The following NEK11 variants were observed in gnomAD, a reference collection of about 807,000 sequenced individuals.
The protein encoded by NEK11 is serine/threonine-protein kinase Nek11.
NEK11 carries 72 observed loss-of-function variants against 80.7 expected under a neutral mutation model. The ratio of observed to expected loss-of-function variants is 0.89; its 90% confidence interval spans 0.74 to 1.08. The LOEUF (loss-of-function observed/expected upper bound fraction) is 1.08, where lower values mean the gene tolerates loss of function less well. NEK11 is among the 50% of genes least tolerant of loss of function. The pLI is 0.00. For missense variants in NEK11, 764 were observed against 763.6 expected (o/e 1.00, Z -0.01); for synonymous variants, 251 against 260.7 (o/e 0.96, Z 0.36).
At chr3:131,145,897 A>G (rs932776378) in intron 7 of NEK11, among the ~76,000 whole-genome samples, 1 of 152,156 alleles carries the variant, frequency 6.6e-6, no homozygotes, top group Non-Finnish European at 1.5e-5. Context: ...TGAAAGGAAC[A>G]TAGAAGAGGG....
intron 16 of NEK11, among the ~76,000 whole-genome samples, chr3:131,270,637 C>T (rs1453714241): frequency 3.9e-5 from 6 of 152,142 alleles, no homozygotes; most frequent in African/African-American, 7.2e-5. Flanking sequence ...CAATAAGAAA[C>T]ACTGAAAAAG....
At chr3:131,247,250 C>T (rs572816988) in intron 16 of NEK11, among the ~76,000 whole-genome samples, 9 of 152,044 alleles carry the variant, frequency 5.9e-5, no homozygotes, top group East Asian at 5.8e-4. Context: ...TTTATGGTTT[C>T]GGTCTTACAT....
intron 4 of NEK11, among the ~76,000 whole-genome samples, chr3:131,101,931 A>G (rs140403042): frequency 6.6e-6 from 1 of 152,304 alleles, no homozygotes; most frequent in African/African-American, 2.4e-5. Flanking sequence ...TGTTTGGTAT[A>G]GTTAAGCCTT....
chr3:131,234,009 C>T (rs1389236788), intron 15 of NEK11, among the ~76,000 whole-genome samples: 1 of 152,186 alleles, frequency 6.6e-6, no homozygotes, highest in African/African-American at 2.4e-5. Flanking sequence ...TACAGTCTTT[C>T]CTCTGCACAA....
At chr3:131,286,804 G>A (rs915521119) in intron 17 of NEK11, among the ~76,000 whole-genome samples, 2 of 152,116 alleles carry the variant, frequency 1.3e-5, no homozygotes, top group African/African-American at 4.8e-5. Context: ...ATGGTATGAA[G>A]ATATTGACAA....
chr3:131,031,416 A>G (rs115481506), intron 3 of NEK11, among the ~76,000 whole-genome samples: 1 of 152,372 alleles, frequency 6.6e-6, no homozygotes, highest in African/African-American at 2.4e-5. Context: ...CATTGAGAGT[A>G]AGACCTAAAC....
chr3:131,085,242 T>C lies in NEK11; in HGVS notation c.336+4654T>C, dbSNP rs527586859. ...ATTGCCTTGGCAGTTTTAGCTCTCA[T>C]TGTGTATGAATACGTTGGCAATCTG... is the stretch of plus-strand genomic sequence containing the variant. On this transcript the variant is annotated intron_variant, in intron 4 of 17. Coordinates refer to ENST00000383366, the MANE Select transcript of NEK11 (RefSeq NM_024800.5). Among the ~76,000 whole-genome samples, 8 of 152,356 alleles carry C rather than the reference T, an allele frequency of 5.3e-5. No individual in the cohort carries two copies. The South Asian group carries it at 1.5e-3, about 28-fold the overall frequency.
chr3:131,286,344 A>G (rs2096470276), intron 17 of NEK11, among the ~76,000 whole-genome samples: 1 of 152,168 alleles, frequency 6.6e-6, no homozygotes, highest in Admixed American at 6.5e-5. Flanking sequence ...CAGTGTTCCT[A>G]GTAGCTCCTG....
chr3:131,315,980 A>G (rs2096835267), intron 17 of NEK11, among the ~76,000 whole-genome samples: 1 of 151,994 alleles, frequency 6.6e-6, no homozygotes, highest in Admixed American at 6.6e-5. Flanking sequence ...TTATTTTTTT[A>G]GTTATCAGTA....
At chr3:131,029,114 G>A (rs542139730) in intron 2 of NEK11, among the ~76,000 whole-genome samples, 3 of 152,154 alleles carry the variant, frequency 2.0e-5, no homozygotes, top group African/African-American at 7.2e-5. Flanking sequence ...CAAAAACTGT[G>A]GTTTAACATC....
At chr3:131,096,538 A>G (rs1191399871) in intron 4 of NEK11, among the ~76,000 whole-genome samples, 3 of 152,010 alleles carry the variant, frequency 2.0e-5, no homozygotes, top group Admixed American at 1.3e-4. Context: ...CTTTGGGTAT[A>G]TTCACAGTAA....
At chr3:131,082,364 A>G (rs907350099) in intron 4 of NEK11, among the ~76,000 whole-genome samples, 6 of 152,196 alleles carry the variant, frequency 3.9e-5, no homozygotes, top group African/African-American at 1.2e-4. Context: ...GCTTATAACT[A>G]TTACTGCTAC....
At chr3:131,140,970 C>A (rs1288869878) in intron 7 of NEK11, among the ~76,000 whole-genome samples, 1 of 152,170 alleles carries the variant, frequency 6.6e-6, no homozygotes, top group Non-Finnish European at 1.5e-5. Flanking sequence ...CATACCAGCT[C>A]ATAAGACCCA....
chr3:131,150,407 C>T (rs1429705679), intron 7 of NEK11, among the ~76,000 whole-genome samples: 1 of 151,804 alleles, frequency 6.6e-6, no homozygotes, highest in African/African-American at 2.4e-5. Flanking sequence ...TTGCTTCATA[C>T]ACACACACAT....
At chr3:131,203,767 G>GTA (rs150951735) in intron 14 of NEK11, among the ~76,000 whole-genome samples, 29 of 54,196 alleles carry the variant, frequency 5.4e-4, no homozygotes, top group Non-Finnish European at 8.9e-4. Flanking sequence ...GTGTGTGTGT[G>GTA]TATATATATA....
intron 10 of NEK11, among the ~76,000 whole-genome samples, chr3:131,162,127 A>G (rs760004042): frequency 5.3e-5 from 8 of 152,222 alleles, no homozygotes; most frequent in African/African-American, 1.4e-4. Flanking sequence ...CCAAGATCCT[A>G]ATTTGTTTTA....
intron 17 of NEK11, among the ~76,000 whole-genome samples, chr3:131,348,667 A>G (rs1476918992): frequency 6.6e-6 from 1 of 151,026 alleles, no homozygotes; most frequent in Non-Finnish European, 1.5e-5. Flanking sequence ...CAACGGTGAA[A>G]TAAACATACT....
At chr3:131,115,747 C>T (rs1333006359) in intron 5 of NEK11, among the ~76,000 whole-genome samples, 2 of 152,054 alleles carry the variant, frequency 1.3e-5, no homozygotes, top group East Asian at 3.9e-4. Context: ...GGTCTCAAGG[C>T]CTTGCTGATT....
At chr3:131,206,508 T>C (rs901154652) in intron 14 of NEK11, among the ~76,000 whole-genome samples, 1 of 152,200 alleles carries the variant, frequency 6.6e-6, no homozygotes, top group Non-Finnish European at 1.5e-5. Context: ...TTAGAATCGT[T>C]AGGGTTCACT....
Sources: allele counts gnomAD v4.1 joint callset (sites outside exome capture counted in the v4.1 genomes callset), GRCh38; gene constraint gnomAD v4.1.1; transcripts MANE v1.5; gene names NCBI Gene and HGNC (gene_info 2026-07-23, HGNC 2026-07-21).